NARS1: variants seen among roughly 807,000 people sequenced by gnomAD.
NARS1 encodes asparagine--tRNA ligase, cytoplasmic.
A neutral mutation model predicts 79.2 loss-of-function variants in NARS1; 65 were observed. The observed-to-expected ratio is 0.82, with a 90% confidence interval of 0.67 to 1.01. NARS1 has a LOEUF of 1.01. Ranked by LOEUF, NARS1 falls within the 50% of genes least tolerant of loss-of-function variation. The pLI, the probability that NARS1 is intolerant of heterozygous loss-of-function variation, is 0.00. For missense variants in NARS1, 649 were observed against 673.8 expected, an observed-to-expected ratio of 0.96 and a Z score of 0.41; for synonymous variants, 229 against 238.8, an observed-to-expected ratio of 0.96 and a Z score of 0.38.
chr18:57,601,863 C>A (rs1599029821), intron 13 of NARS1, 80 bp from the exon 14 acceptor site: 1 of 1,485,788 alleles, frequency 6.7e-7, no homozygotes, highest in Non-Finnish European at 9.3e-7. Flanking sequence ...AATTTTCCAC[C>A]ATGAAAGGAG....
chr18:57,607,271 G>A lies in NARS1; in HGVS notation c.864C>T (p.Asp288=). ...TCAAAAATGCCTCTTCCCCAAAATA[G>A]TCAAGCTTGAAGAGTGTGGCACCAC... The part of the protein sequence containing the change: ...VEGGATLFKL[D]YFGEEAFLTQ... The change falls in exon 9 of 14, where the codon GAC becomes GAT. Residue 288 remains aspartate (D), a synonymous_variant. Coordinates refer to ENST00000256854, the MANE Select transcript of NARS1 (RefSeq NM_004539.4). 1.2e-6 allele frequency: 2 copies of A among 1,614,162 alleles called. No individual in the cohort carries two copies. The highest frequency in any genetic ancestry group is 1.7e-6 in the Non-Finnish European group (2 of 1,180,024).
chr18:57,605,779 G>GT, intron 11 of NARS1, 78 bp downstream of exon 11: 1 of 942,882 alleles, frequency 1.1e-6, no homozygotes, highest in South Asian at 1.5e-5. Context: ...TGCCACCCAT[G>GT]TTACTAGTTC....
At chr18:57,617,389 G>T (rs935741493) in intron 2 of NARS1, among the ~76,000 whole-genome samples, 2 of 151,162 alleles carry the variant, frequency 1.3e-5, no homozygotes, top group Admixed American at 6.6e-5. Flanking sequence ...TGGCTAACAT[G>T]GTGAAACCCC....
chr18:57,608,437 C>CAAAAAAAAAAA (rs1175712420), intron 7 of NARS1, among the ~76,000 whole-genome samples: 76 of 77,960 alleles, frequency 9.7e-4, no homozygotes, highest in Admixed American at 1.2e-3. Context: ...AACTCCGTCT[C>CAAAAAAAAAAA]AAAAAAAAAA....
chr18:57,614,226 C>T (rs1054463520), intron 4 of NARS1, among the ~76,000 whole-genome samples: 1 of 152,130 alleles, frequency 6.6e-6, no homozygotes, highest in Admixed American at 6.5e-5. Context: ...TCTGGCTGGG[C>T]GTGGTGGCTC....
At chr18:57,620,889 T>C (rs1393347411) in intron 1 of NARS1, among the ~76,000 whole-genome samples, 1 of 152,264 alleles carries the variant, frequency 6.6e-6, no homozygotes, top group East Asian at 1.9e-4. Flanking sequence ...ATTTGTGATA[T>C]TTATTCTATC....
At chr18:57,613,517 AC>A in intron 5 of NARS1, 84 bp downstream of exon 5, 2 of 1,233,232 alleles carry the variant, frequency 1.6e-6, no homozygotes, top group African/African-American at 1.5e-5. Context: ...AGAGAAAAAA[AC>A]CCCTGCAAAT....
Position 57,605,890 on chromosome 18 carries a change from C to T in NARS1, c.1218G>A (p.Lys406=). ...ATTCATAGAAAGTTCCATCTTCTTT[C>T]TTTACATCATGTTCTTTTAGCCAAA... is the stretch of plus-strand genomic sequence containing the variant. ...AIVWLKEHDV[K]KEDGTFYEFG... The change falls in exon 11 of 14, where the codon AAG becomes AAA. Residue 406 remains lysine (K), a synonymous_variant. Transcript: ENST00000256854. 6.2e-7 allele frequency: 1 copy of T among 1,611,976 alleles called. No individual in the cohort carries two copies. The highest frequency in any genetic ancestry group is 8.5e-7 in the Non-Finnish European group (1 of 1,178,590).
rs973839497 is a variant in NARS1, at chr18:57,621,756, G to A, written c.-39C>T. 2.4e-5 allele frequency: 39 copies of A among 1,613,724 alleles called. No individual in the cohort carries two copies. The highest frequency in any genetic ancestry group is 3.3e-5 in the Non-Finnish European group (39 of 1,180,012). On this transcript the variant is annotated 5_prime_UTR_variant, in exon 1 of 14. Transcript: ENST00000256854. ...CTGGTCACCTCCAAGGACACAGACT[G>A]CAACACCGACGCCGTCTTATGACTC... is the stretch of plus-strand genomic sequence containing the variant.
intron 8 of NARS1, 28 bp from the exon 9 acceptor site, chr18:57,607,361 C>T: frequency 6.2e-7 from 1 of 1,611,734 alleles, no homozygotes; most frequent in Non-Finnish European, 8.5e-7. Context: ...AGGAATAAAT[C>T]AATGCTATCG....
intron 13 of NARS1, 87 bp downstream of exon 13, chr18:57,602,268 C>G (rs538713127): frequency 2.4e-6 from 3 of 1,266,486 alleles, no homozygotes; most frequent in African/African-American, 3.0e-5. Flanking sequence ...AAAGTACTAC[C>G]CTGAATTCTC....
In NARS1 at chr18:57,611,645, C is replaced by G; in HGVS notation, c.484G>C (p.Asp162His). 1 of 1,589,634 alleles carries G rather than the reference C, an allele frequency of 6.3e-7. No homozygotes were observed. The highest frequency in any genetic ancestry group is 8.6e-7 in the Non-Finnish European group (1 of 1,168,732). Reference protein sequence around the residue: ...GTGYLQCVLADELCQCYNGVL... With the variant: ...GTGYLQCVLAHELCQCYNGVL... ...TAAGAGAAAATATTTACCAACTCAT[C>G]CGCCAAGACACACTGAAGATAACCT... is the stretch of plus-strand genomic sequence containing the variant. Residue 162 changes from aspartate to histidine, a missense_variant, in exon 6 of 14, where the codon GAT becomes CAT. Asp to His is a moderately conservative substitution (Grantham distance 81). Coordinates refer to ENST00000256854, the MANE Select transcript of NARS1 (RefSeq NM_004539.4).
Position 57,602,588 on chromosome 18 carries a change from A to G in NARS1, c.1384-102T>C, listed in dbSNP as rs906623057. ...AAATTACAATTAAGCTCCAAGGGCTAAAGGAGCCACTATGATCATGTAATA... is the reference window on the plus strand; with the variant it reads ...AAATTACAATTAAGCTCCAAGGGCTGAAGGAGCCACTATGATCATGTAATA... On this transcript the variant is annotated intron_variant, in intron 12 of 13. Coordinates refer to ENST00000256854, the MANE Select transcript of NARS1 (RefSeq NM_004539.4). 9 of 1,358,956 alleles carry G rather than the reference A, an allele frequency of 6.6e-6. No individual in the cohort carries two copies. The African/African-American group carries it at 8.9e-5, about 13-fold the overall frequency. 84.2% of individuals were successfully genotyped at this position (1,358,956 alleles called of 1,614,324 possible). A position where few individuals can be genotyped will look rare whatever the true frequency, so the allele number is the denominator to read the frequency against.
At chr18:57,602,623 T>A in intron 12 of NARS1, 137 bp from the exon 13 acceptor site, 1 of 1,242,482 alleles carries the variant, frequency 8.0e-7, no homozygotes, top group Non-Finnish European at 1.1e-6. Context: ...ATTCAAATGT[T>A]TACATTTCTC....
intron 9 of NARS1, 170 bp from the exon 10 acceptor site, chr18:57,606,921 G>A (rs2051562859): frequency 2.1e-6 from 2 of 943,016 alleles, no homozygotes; most frequent in Non-Finnish European, 3.1e-6. Flanking sequence ...GCAATTTCTT[G>A]TTTGCTCCTT....
At chr18:57,602,747 C>A in intron 12 of NARS1, 65 bp downstream of exon 12, 1 of 1,541,318 alleles carries the variant, frequency 6.5e-7, no homozygotes, top group Non-Finnish European at 8.9e-7. Flanking sequence ...GTACCTGATT[C>A]CAGATGACAG....
At chr18:57,602,576 G>T (rs2051518018) in intron 12 of NARS1, 90 bp from the exon 13 acceptor site, 3 of 1,433,378 alleles carry the variant, frequency 2.1e-6, no homozygotes, top group Non-Finnish European at 2.9e-6. Flanking sequence ...TTACAATTAA[G>T]CTCCAAGGGC....
intron 7 of NARS1, among the ~76,000 whole-genome samples, chr18:57,609,032 G>C (rs1350301738): frequency 6.6e-6 from 1 of 152,218 alleles, no homozygotes; most frequent in Non-Finnish European, 1.5e-5. Context: ...ACTTACACCA[G>C]TTCTTTGACA....
chr18:57,619,266 ATTTTTTT>A (rs57667136), intron 2 of NARS1, among the ~76,000 whole-genome samples: 2 of 123,756 alleles, frequency 1.6e-5, no homozygotes, highest in Non-Finnish European at 3.3e-5. Flanking sequence ...TGCCTGGCTA[ATTTTTTT>A]TTTTTTTTTT....
Sources: allele counts gnomAD v4.1 joint callset (sites outside exome capture counted in the v4.1 genomes callset), GRCh38; gene constraint gnomAD v4.1.1; transcripts MANE v1.5; gene names NCBI Gene and HGNC (gene_info 2026-07-23, HGNC 2026-07-21).